Variants in ITPR2 observed in about 807,000 individuals in gnomAD.
The protein encoded by ITPR2 is inositol 1,4,5-trisphosphate-gated calcium channel ITPR2.
ITPR2 carries 207 observed loss-of-function variants against 317.1 expected under a neutral mutation model. That is an observed-to-expected ratio of 0.65 (90% CI 0.58 to 0.73). ITPR2 has a LOEUF of 0.73. Ranked by LOEUF, ITPR2 falls within the 30% of genes least tolerant of loss-of-function variation. The probability of loss-of-function intolerance (pLI) is 0.00; values close to 1 mark genes in which losing one functional copy is unlikely to be tolerated. For missense variants in ITPR2, 2,613 were observed against 3,284.0 expected (o/e 0.80, Z 4.99); for synonymous variants, 1,156 against 1,149.1 (o/e 1.01, Z -0.12).
intron 55 of ITPR2, among the ~76,000 whole-genome samples, chr12:26,361,805 C>T (rs991000655): frequency 5.3e-5 from 8 of 152,126 alleles, no homozygotes; most frequent in Admixed American, 2.0e-4. Flanking sequence ...TAATGTATAA[C>T]GTGAGGTTGA....
chr12:26,522,254 C>T (rs189733654), intron 37 of ITPR2, among the ~76,000 whole-genome samples: 127 of 152,026 alleles, frequency 8.4e-4, no homozygotes, highest in African/African-American at 2.9e-3. Context: ...CCTGTTTATA[C>T]ACACACACAC....
chr12:26,392,884 C>T (rs940424516), intron 54 of ITPR2, among the ~76,000 whole-genome samples: 5 of 152,180 alleles, frequency 3.3e-5, no homozygotes, highest in African/African-American at 7.2e-5. Context: ...CCTGGTCTTT[C>T]GACATCTCTT....
intron 2 of ITPR2, among the ~76,000 whole-genome samples, chr12:26,730,021 C>G (rs1001674774): frequency 6.6e-6 from 1 of 151,172 alleles, no homozygotes; most frequent in African/African-American, 2.4e-5. Context: ...TGAAATAAAC[C>G]AAAAAAAGAA....
At chr12:26,535,726 T>C (rs1944071185) in intron 37 of ITPR2, among the ~76,000 whole-genome samples, 1 of 152,100 alleles carries the variant, frequency 6.6e-6, no homozygotes, top group Non-Finnish European at 1.5e-5. Context: ...AAGAAAAAAA[T>C]CACAAGCTTT....
At chr12:26,349,183 C>A (rs1042063836) in intron 55 of ITPR2, among the ~76,000 whole-genome samples, 4 of 152,116 alleles carry the variant, frequency 2.6e-5, no homozygotes, top group African/African-American at 9.7e-5. Flanking sequence ...CTTGGACTGA[C>A]AAATAAATGA....
At chr12:26,408,614 C>T (rs1286069008) in intron 52 of ITPR2, among the ~76,000 whole-genome samples, 1 of 152,150 alleles carries the variant, frequency 6.6e-6, no homozygotes, top group African/African-American at 2.4e-5. Flanking sequence ...GCCCTGGCTA[C>T]CACGCTGTGG....
intron 45 of ITPR2, among the ~76,000 whole-genome samples, chr12:26,461,167 A>G (rs1253882876): frequency 6.6e-6 from 1 of 152,124 alleles, no homozygotes; most frequent in Non-Finnish European, 1.5e-5. Context: ...CACTCTGTCT[A>G]TGGGTATGTG....
intron 13 of ITPR2, among the ~76,000 whole-genome samples, chr12:26,675,519 G>A (rs752744971): frequency 3.9e-5 from 6 of 151,942 alleles, no homozygotes; most frequent in Non-Finnish European, 4.4e-5. Flanking sequence ...TCACAGGAAG[G>A]GGAACATCAC....
At chr12:26,491,414 C>T (rs987305258) in intron 39 of ITPR2, among the ~76,000 whole-genome samples, 16 of 127,348 alleles carry the variant, frequency 1.3e-4, no homozygotes, top group African/African-American at 3.5e-4. Flanking sequence ...ACCCAGGAGG[C>T]GGAGTTTGCA....
At chr12:26,353,278 T>C (rs909792262) in intron 55 of ITPR2, among the ~76,000 whole-genome samples, 1 of 152,194 alleles carries the variant, frequency 6.6e-6, no homozygotes, top group Non-Finnish European at 1.5e-5. Flanking sequence ...GTGATCAAAG[T>C]CCTCGATCAT....
chr12:26,652,317 T>C (rs990496953), intron 21 of ITPR2, among the ~76,000 whole-genome samples: 12 of 152,234 alleles, frequency 7.9e-5, no homozygotes, highest in African/African-American at 2.7e-4. Flanking sequence ...TGTGGTTCAA[T>C]TGGCTTCTTA....
chr12:26,554,305 G>A (rs1944605317), intron 36 of ITPR2, among the ~76,000 whole-genome samples: 1 of 152,182 alleles, frequency 6.6e-6, no homozygotes, highest in Non-Finnish European at 1.5e-5. Context: ...TATGACTGAG[G>A]AAGTGGATTT....
At chr12:26,383,420 A>G (rs1048564398) in intron 55 of ITPR2, among the ~76,000 whole-genome samples, 2 of 152,104 alleles carry the variant, frequency 1.3e-5, no homozygotes, top group Admixed American at 6.6e-5. Flanking sequence ...TTGGAGGTGA[A>G]AAAATATACA....
intron 37 of ITPR2, among the ~76,000 whole-genome samples, chr12:26,521,098 A>G (rs1170378600): frequency 6.6e-6 from 1 of 152,162 alleles, no homozygotes; most frequent in Non-Finnish European, 1.5e-5. Flanking sequence ...ATACTCAAAT[A>G]GAAACTCCAG....
intron 5 of ITPR2, among the ~76,000 whole-genome samples, chr12:26,719,122 A>G (rs1288102283): frequency 1.3e-5 from 2 of 152,224 alleles, no homozygotes; most frequent in Non-Finnish European, 1.5e-5. Context: ...ACTACCAATC[A>G]TGTGAAATAA....
chr12:26,502,309 T>A (rs537599288), intron 37 of ITPR2, among the ~76,000 whole-genome samples: 101 of 152,202 alleles, frequency 6.6e-4, no homozygotes, highest in Non-Finnish European at 1.2e-3. Context: ...TGTAATTGTT[T>A]AGTTTTCAGA....
At chr12:26,478,838 C>CTTTTATGA (rs765317958) in intron 43 of ITPR2, among the ~76,000 whole-genome samples, 169 of 151,864 alleles carry the variant, frequency 1.1e-3, no homozygotes, top group Middle Eastern at 3.4e-3. Context: ...AAGTAAAGGA[C>CTTTTATGA]AACAAATATG....
At chr12:26,722,752 A>G (rs927452495) in intron 4 of ITPR2, among the ~76,000 whole-genome samples, 197 bp from the exon 5 acceptor site, 1 of 152,026 alleles carries the variant, frequency 6.6e-6, no homozygotes, top group Non-Finnish European at 1.5e-5. Flanking sequence ...CTTCACCCCA[A>G]TTCTGCTTCA....
chr12:26,617,112 T>C (rs566117257), intron 26 of ITPR2, among the ~76,000 whole-genome samples: 27 of 152,232 alleles, frequency 1.8e-4, no homozygotes, highest in African/African-American at 6.3e-4. Context: ...TTTTCAACTG[T>C]GCGGGAGGGT....
Sources: allele counts gnomAD v4.1 joint callset (sites outside exome capture counted in the v4.1 genomes callset), GRCh38; gene constraint gnomAD v4.1.1; transcripts MANE v1.5; gene names NCBI Gene and HGNC (gene_info 2026-07-23, HGNC 2026-07-21).